Variants in LRRC72 observed in about 807,000 individuals in gnomAD.
LRRC72 encodes leucine-rich repeat-containing protein 72.
Under a neutral mutation model 35.8 loss-of-function variants are expected in LRRC72, and 41 were observed. The observed-to-expected ratio is 1.15, with a 90% CI of 0.89 to 1.49. The LOEUF is 1.49. Among genes scored for constraint, LRRC72 ranks in the 40% most tolerant of loss-of-function variants. The pLI is 0.00. For synonymous variants in LRRC72, 118 were observed against 119.2 expected (o/e 0.99, Z 0.07); for missense variants, 389 against 330.7 (o/e 1.18, Z -1.37).
intron 7 of LRRC72, among the ~76,000 whole-genome samples, chr7:16,577,929 A>T (rs1480679075): frequency 1.3e-5 from 2 of 152,182 alleles, no homozygotes; most frequent in African/African-American, 4.8e-5. Context: ...TGGGAATGTA[A>T]ACTCGTTCAA....
chr7:16,563,291 C>A (rs1306026058), intron 5 of LRRC72, among the ~76,000 whole-genome samples: 1 of 150,560 alleles, frequency 6.6e-6, no homozygotes, highest in South Asian at 2.1e-4. Context: ...TTTTTTTCCT[C>A]TTCTGTCTCG....
intron 5 of LRRC72, among the ~76,000 whole-genome samples, chr7:16,561,100 T>C (rs1454403324): frequency 6.6e-6 from 1 of 152,102 alleles, no homozygotes; most frequent in East Asian, 1.9e-4. Flanking sequence ...TATAATCTAT[T>C]CATTCATTCA....
At chr7:16,532,768 T>G in intron 2 of LRRC72, 200 bp downstream of exon 2, 1 of 633,212 alleles carries the variant, frequency 1.6e-6, no homozygotes, top group Non-Finnish European at 2.9e-6. Context: ...AAAAAAATTA[T>G]GGAGACAGGC....
chr7:16,573,348 C>T (rs1782981420), intron 7 of LRRC72, among the ~76,000 whole-genome samples: 1 of 152,272 alleles, frequency 6.6e-6, no homozygotes, highest in Non-Finnish European at 1.5e-5. Context: ...ATAGCCAAGA[C>T]AATTCTAAGC....
intron 3 of LRRC72, among the ~76,000 whole-genome samples, chr7:16,552,788 A>AC (rs1782576588): frequency 6.6e-6 from 1 of 152,186 alleles, no homozygotes; most frequent in African/African-American, 2.4e-5. Flanking sequence ...CAGGGCTCAA[A>AC]CCAAGTCTGA....
At chr7:16,558,779 T>A in intron 4 of LRRC72, 110 bp from the exon 5 acceptor site, 2 of 456,818 alleles carry the variant, frequency 4.4e-6, no homozygotes, top group Non-Finnish European at 7.3e-6. Flanking sequence ...TATGTTTTCC[T>A]TTTTAGTTAG....
chr7:16,550,522 A>G (rs1392680837), intron 3 of LRRC72, among the ~76,000 whole-genome samples: 4 of 152,222 alleles, frequency 2.6e-5, no homozygotes, highest in Admixed American at 2.6e-4. Flanking sequence ...AACATATAAT[A>G]TGAATTGAAA....
intron 7 of LRRC72, among the ~76,000 whole-genome samples, chr7:16,576,359 T>C (rs1783040758): frequency 6.6e-6 from 1 of 152,210 alleles, no homozygotes; most frequent in Non-Finnish European, 1.5e-5. Context: ...CTAAGAGAAA[T>C]ATGAATTATT....
chr7:16,559,883 C>CA (rs776298752), intron 5 of LRRC72, among the ~76,000 whole-genome samples: 2,186 of 139,720 alleles, frequency 0.016, 40 homozygotes, highest in African/African-American at 0.043. Flanking sequence ...AAGCTGATAC[C>CA]AAAAAAAAAA....
At chr7:16,533,902 T>TG (rs1782209663) in intron 2 of LRRC72, among the ~76,000 whole-genome samples, 1 of 152,186 alleles carries the variant, frequency 6.6e-6, no homozygotes, top group South Asian at 2.1e-4. Flanking sequence ...GTCAAAAGAT[T>TG]GCATCTTTCA....
rs370859792 is a variant in LRRC72, at chr7:16,563,277, C to CT, written c.428-3026dup. Among the ~76,000 whole-genome samples, 1,142 of 149,406 alleles carry CT rather than the reference C, an allele frequency of 7.6e-3. 5 individuals carry two copies. The highest frequency in any genetic ancestry group is 0.012 in the Non-Finnish European group (829 of 67,210). On this transcript the variant is annotated intron_variant, in intron 5 of 8. Coordinates refer to ENST00000401542, the MANE Select transcript of LRRC72 (RefSeq NM_001195280.2). ...TAACTGGAGCCAATTATTTAGATGG[C>CT]TTTTTTTTTTCCTCTTCTGTCTCGA... is the stretch of plus-strand genomic sequence containing the variant.
At chr7:16,578,266 A>C (rs1368567210) in intron 7 of LRRC72, among the ~76,000 whole-genome samples, 2 of 152,222 alleles carry the variant, frequency 1.3e-5, no homozygotes, top group African/African-American at 4.8e-5. Flanking sequence ...TGATGTCAGA[A>C]GTTTGAGACC....
intron 5 of LRRC72, among the ~76,000 whole-genome samples, 154 bp from the exon 6 acceptor site, chr7:16,566,159 A>C (rs1055150006): frequency 3.9e-5 from 6 of 152,244 alleles, no homozygotes; most frequent in Non-Finnish European, 5.9e-5. Flanking sequence ...CTGGTGCTCT[A>C]AGTAAAGGTT....
intron 3 of LRRC72, among the ~76,000 whole-genome samples, chr7:16,542,775 C>T (rs540632414): frequency 1.3e-5 from 2 of 152,284 alleles, no homozygotes; most frequent in South Asian, 2.1e-4. Context: ...ATCTTAGTAG[C>T]TATCTTTTTT....
intron 7 of LRRC72, among the ~76,000 whole-genome samples, chr7:16,572,753 T>C (rs996943582): frequency 6.6e-6 from 1 of 152,180 alleles, no homozygotes; most frequent in Non-Finnish European, 1.5e-5. Context: ...AAGACAAGGA[T>C]GCCCTCTCTC....
chr7:16,538,306 G>C (rs748606249), intron 3 of LRRC72, among the ~76,000 whole-genome samples: 15 of 152,150 alleles, frequency 9.9e-5, no homozygotes, highest in Admixed American at 9.2e-4. Flanking sequence ...AAAGGCAAGG[G>C]AGAAGCAAAG....
intron 1 of LRRC72, among the ~76,000 whole-genome samples, chr7:16,529,955 C>G (rs1033806855): frequency 1.3e-5 from 2 of 152,104 alleles, no homozygotes; most frequent in Admixed American, 6.6e-5. Flanking sequence ...CAAGTGTTGA[C>G]TTTTGCTAGT....
intron 5 of LRRC72, among the ~76,000 whole-genome samples, 170 bp downstream of exon 5, chr7:16,559,169 G>A (rs1363630711): frequency 2.6e-5 from 4 of 152,120 alleles, no homozygotes; most frequent in African/African-American, 4.8e-5. Flanking sequence ...TGAGGTGGGC[G>A]GATCACTTGA....
intron 7 of LRRC72, among the ~76,000 whole-genome samples, chr7:16,579,723 G>A (rs139904397): frequency 8.7e-4 from 133 of 152,272 alleles, no homozygotes; most frequent in African/African-American, 2.4e-3. Context: ...CGGAAGAAAA[G>A]GGATAGGTTT....
Sources: allele counts gnomAD v4.1 joint callset (sites outside exome capture counted in the v4.1 genomes callset), GRCh38; gene constraint gnomAD v4.1.1; transcripts MANE v1.5; gene names NCBI Gene and HGNC (gene_info 2026-07-23, HGNC 2026-07-21).